The following CUEDC1 variants were observed in gnomAD, a reference collection of about 807,000 sequenced individuals.
CUEDC1 encodes the protein CUE domain containing 1, also known as CUE domain-containing protein 1.
A neutral mutation model predicts 43.7 loss-of-function variants in CUEDC1; 30 were observed. That is an observed-to-expected ratio of 0.69 (90% CI 0.51 to 0.93). CUEDC1 has a LOEUF of 0.93. Among genes scored for constraint, CUEDC1 ranks in the 40% least tolerant of loss-of-function variants. CUEDC1 has a pLI of 0.00. For synonymous variants in CUEDC1, 223 were observed against 223.6 expected (o/e 1.00, Z 0.02); for missense variants, 486 against 549.0 (o/e 0.89, Z 1.15).
At chr17:57,951,999 G>A (rs1228396349) in intron 1 of CUEDC1, among the ~76,000 whole-genome samples, 1 of 152,134 alleles carries the variant, frequency 6.6e-6, no homozygotes, top group East Asian at 1.9e-4. Context: ...AACACTGAGT[G>A]AGCCAACACA....
At chr17:57,952,863 G>A (rs754175712) in intron 1 of CUEDC1, among the ~76,000 whole-genome samples, 2 of 152,086 alleles carry the variant, frequency 1.3e-5, no homozygotes, top group Non-Finnish European at 2.9e-5. Flanking sequence ...ATGGCAGATC[G>A]TCCTAAAGCT....
At chr17:57,904,757 C>A (rs942397161) in intron 1 of CUEDC1, among the ~76,000 whole-genome samples, 1 of 152,110 alleles carries the variant, frequency 6.6e-6, no homozygotes, top group African/African-American at 2.4e-5. Flanking sequence ...GGGGGGATCG[C>A]CCTACCGTAG....
Position 57,930,800 on chromosome 17 carries a change from G to A in CUEDC1, c.-316+24425C>T, listed in dbSNP as rs370023104. On this transcript the variant is annotated intron_variant, in intron 1 of 10. Transcript: ENST00000577830. This position sits in a 1 kb window ranked among gnomAD's most constrained non-coding sequence, Gnocchi z 4.2. ...GGGCAGAAATGACCCCTCTGTGACC[G>A]CTCCTGTAGCCAGAAAGAGCCACAA... 2.6e-5 allele frequency among the ~76,000 whole-genome samples: 4 copies of A among 152,292 alleles called. No homozygotes were observed. The highest frequency in any genetic ancestry group is 6.5e-5 in the Admixed American group (1 of 15,292).
At chr17:57,953,603 ATACAGGTGTCTCCC>A (rs571253103) in intron 1 of CUEDC1, among the ~76,000 whole-genome samples, 294 of 152,308 alleles carry the variant, frequency 1.9e-3, no homozygotes, top group Non-Finnish European at 3.2e-3. Context: ...CTGGTGTTGA[ATACAGGTGTCTCCC>A]TACACACATG....
At chr17:57,889,918 C>T (rs2074337628) in intron 1 of CUEDC1, among the ~76,000 whole-genome samples, 1 of 152,210 alleles carries the variant, frequency 6.6e-6, no homozygotes, top group South Asian at 2.1e-4. Context: ...GGAGCAGGGT[C>T]AGAGCCGTCC....
chr17:57,900,681 G>A (rs756348553), intron 1 of CUEDC1, among the ~76,000 whole-genome samples: 4 of 152,210 alleles, frequency 2.6e-5, no homozygotes, highest in Non-Finnish European at 5.9e-5. Flanking sequence ...TGAGTCGTGT[G>A]TGACCTAGAG....
chr17:57,865,601 C>A (rs2073945298), intron 10 of CUEDC1, among the ~76,000 whole-genome samples: 1 of 152,154 alleles, frequency 6.6e-6, no homozygotes, highest in Non-Finnish European at 1.5e-5. Flanking sequence ...TTGGCCAACT[C>A]CTGGAGGAGG....
chr17:57,953,261 C>T (rs1470369102), intron 1 of CUEDC1, among the ~76,000 whole-genome samples: 1 of 152,188 alleles, frequency 6.6e-6, no homozygotes, highest in Non-Finnish European at 1.5e-5. Flanking sequence ...ATTCAATAGA[C>T]CAGTGGGCCT....
At chr17:57,952,384 A>G (rs1034346382) in intron 1 of CUEDC1, among the ~76,000 whole-genome samples, 2 of 151,492 alleles carry the variant, frequency 1.3e-5, no homozygotes, top group Non-Finnish European at 2.9e-5. Context: ...ACGCCACCAC[A>G]CCCAGCAAAT....
At chr17:57,929,418 T>TATGTCCAC (rs2074781759) in intron 1 of CUEDC1, among the ~76,000 whole-genome samples, 1 of 152,124 alleles carries the variant, frequency 6.6e-6, no homozygotes, top group South Asian at 2.1e-4. Flanking sequence ...CCACTAAAAG[T>TATGTCCAC]ATGTCCACAG....
rs2144965933 is a variant in CUEDC1, at chr17:57,885,293, C to T, written c.272G>A (p.Gly91Asp). 3.1e-6 allele frequency: 5 copies of T among 1,609,458 alleles called. No individual in the cohort carries two copies. Among genetic ancestry groups the T allele is most frequent in the East Asian group, 2.2e-5 (1 of 44,726 alleles). ...ATAGACGCCGCCGCTGCTGCCACCGCCCTCCAGGTTCATCTGCAGCAGCTG... is the reference window on the plus strand; with the variant it reads ...ATAGACGCCGCCGCTGCTGCCACCGTCCTCCAGGTTCATCTGCAGCAGCTG... ...IDQLLQMNLE[G>D]GGSSGGVYED... The change falls in exon 2 of 11, where the codon GGC becomes GAC. Residue 91 changes from glycine to aspartate, a missense_variant. Gly to Asp is a moderately conservative substitution (Grantham distance 94, BLOSUM62 -1). Transcript: ENST00000577830.
At chr17:57,917,848 T>C (rs78007756) in intron 1 of CUEDC1, among the ~76,000 whole-genome samples, 2,293 of 152,348 alleles carry the variant, frequency 0.015, 24 homozygotes, top group Middle Eastern at 0.037. Context: ...CTCTGAAGAC[T>C]ACTCCTCCTG....
At chr17:57,920,622 TTTTTC>T (rs199910073) in intron 1 of CUEDC1, among the ~76,000 whole-genome samples, 3 of 135,356 alleles carry the variant, frequency 2.2e-5, no homozygotes, top group Non-Finnish European at 4.6e-5. Context: ...CTGAATTTTC[TTTTTC>T]TTTTCTTTTT....
At chr17:57,881,791 C>G (rs1210718007) in intron 2 of CUEDC1, among the ~76,000 whole-genome samples, 3 of 152,214 alleles carry the variant, frequency 2.0e-5, no homozygotes, top group Non-Finnish European at 4.4e-5. Flanking sequence ...AGGCCCCCTC[C>G]TGCTCCTCTG....
At chr17:57,874,788 G>T (rs2074090384) in intron 3 of CUEDC1, among the ~76,000 whole-genome samples, 1 of 152,208 alleles carries the variant, frequency 6.6e-6, no homozygotes, top group Non-Finnish European at 1.5e-5. Flanking sequence ...TCACTGGAGG[G>T]GAGCTTTTCC....
intron 1 of CUEDC1, among the ~76,000 whole-genome samples, chr17:57,895,147 A>G (rs539281159): frequency 1.3e-5 from 2 of 152,340 alleles, no homozygotes; most frequent in South Asian, 4.1e-4. Flanking sequence ...TACAAGGTGC[A>G]TATTACTACT....
intron 1 of CUEDC1, among the ~76,000 whole-genome samples, chr17:57,898,678 G>A (rs947265782): frequency 6.6e-6 from 1 of 152,162 alleles, no homozygotes; most frequent in Non-Finnish European, 1.5e-5. Flanking sequence ...GTTCCAAGGG[G>A]CTGATTCTAG....
At chr17:57,882,562 A>G (rs1385070852) in intron 2 of CUEDC1, among the ~76,000 whole-genome samples, 1 of 152,106 alleles carries the variant, frequency 6.6e-6, no homozygotes, top group African/African-American at 2.4e-5. Flanking sequence ...TTCACACTTA[A>G]AGCATATACA....
intron 7 of CUEDC1, among the ~76,000 whole-genome samples, chr17:57,868,867 G>A (rs1287639743): frequency 3.9e-5 from 6 of 152,256 alleles, no homozygotes; most frequent in Admixed American, 3.9e-4. Flanking sequence ...GAGGATTGCG[G>A]TGAGGGCATG....
Sources: allele counts gnomAD v4.1 joint callset (sites outside exome capture counted in the v4.1 genomes callset), GRCh38; gene constraint gnomAD v4.1.1; non-coding constraint Gnocchi (gnomAD v3.1); transcripts MANE v1.5; gene names NCBI Gene and HGNC (gene_info 2026-07-23, HGNC 2026-07-21).